Variants in POLA1 observed in about 807,000 individuals in gnomAD.
POLA1 encodes DNA polymerase alpha catalytic subunit.
Under a neutral mutation model 124.0 loss-of-function variants are expected in POLA1, and 15 were observed. That is an observed-to-expected ratio of 0.12 (90% CI 0.08 to 0.19). The LOEUF is 0.19. POLA1 is among the 10% of genes least tolerant of loss of function. The probability of loss-of-function intolerance (pLI) is 1.00; values close to 1 mark genes in which losing one functional copy is unlikely to be tolerated. For missense variants in POLA1, 886 were observed against 1,103.4 expected, an observed-to-expected ratio of 0.80 and a Z score of 2.79; for synonymous variants, 408 against 389.4, an observed-to-expected ratio of 1.05 and a Z score of -0.56.
At chrX:24,881,266 T>C (rs1569348513) in intron 34 of POLA1, among the ~76,000 whole-genome samples, 1 of 112,183 alleles carries the variant, frequency 8.9e-6, no homozygotes, top group East Asian at 2.8e-4. Flanking sequence ...CCAGGCTCTT[T>C]CCTGGTTAAA....
At chrX:24,723,307 A>T (rs1442841673) in intron 11 of POLA1, 40 bp downstream of exon 11, 1 of 848,645 alleles carries the variant, frequency 1.2e-6, no homozygotes, top group Non-Finnish European at 1.8e-6. Context: ...CAGTCGTTGT[A>T]TCTGCCACAC....
intron 30 of POLA1, among the ~76,000 whole-genome samples, chrX:24,820,286 C>T (rs979773603): frequency 6.3e-5 from 7 of 111,046 alleles, no homozygotes; most frequent in Non-Finnish European, 1.1e-4. Flanking sequence ...CAGGTAGTAT[C>T]GTTATGAAAA....
chrX:24,851,496 A>G (rs770052456), intron 34 of POLA1, among the ~76,000 whole-genome samples: 3 of 113,294 alleles, frequency 2.6e-5, no homozygotes, highest in Non-Finnish European at 5.6e-5. Flanking sequence ...ATTACAAGCT[A>G]GGCCAGGTCA....
chrX:24,748,205 T>C (rs1932130118), intron 24 of POLA1, 106 bp from the exon 25 acceptor site: 1 of 545,891 alleles, frequency 1.8e-6, no homozygotes, highest in Non-Finnish European at 3.0e-6. Context: ...TATAAGATAA[T>C]AGCTTTTCAA....
At chrX:24,829,530 A>G (rs1326700546) in intron 32 of POLA1, among the ~76,000 whole-genome samples, 1 of 111,925 alleles carries the variant, frequency 8.9e-6, no homozygotes, top group Non-Finnish European at 1.9e-5. Flanking sequence ...AATGAAGTGT[A>G]GGCCCACAAG....
chrX:24,809,804 A>G, intron 26 of POLA1, 94 bp from the exon 27 acceptor site: 4 of 513,240 alleles, frequency 7.8e-6, no homozygotes, highest in Non-Finnish European at 9.5e-6. Flanking sequence ...ATACATGGAA[A>G]TGGCAAATCA....
At chrX:24,710,664 GTT>G (rs1191270484) in intron 4 of POLA1, among the ~76,000 whole-genome samples, 17 of 86,636 alleles carry the variant, frequency 2.0e-4, no homozygotes, top group African/African-American at 6.6e-4. Context: ...ATATGTTGTG[GTT>G]TTTTTTTTTT....
chrX:24,854,108 C>T (rs868675216), intron 34 of POLA1, among the ~76,000 whole-genome samples: 3 of 111,247 alleles, frequency 2.7e-5, no homozygotes, highest in East Asian at 2.8e-4. Flanking sequence ...TGCAGTGGCG[C>T]GATCTTGGCT....
At chrX:24,903,426 A>C (rs1177227468) in intron 35 of POLA1, among the ~76,000 whole-genome samples, 3 of 112,339 alleles carry the variant, frequency 2.7e-5, no homozygotes, top group Non-Finnish European at 5.6e-5. Context: ...AAACTTATTG[A>C]ATATTGTCTA....
At chrX:24,791,221 C>G (rs897411709) in intron 26 of POLA1, among the ~76,000 whole-genome samples, 5 of 111,005 alleles carry the variant, frequency 4.5e-5, no homozygotes, top group Non-Finnish European at 3.8e-5. Context: ...GAAGCCAGAC[C>G]TGTGTCATCT....
intron 34 of POLA1, among the ~76,000 whole-genome samples, chrX:24,852,831 A>G (rs2046584041): frequency 9.0e-6 from 1 of 111,351 alleles, no homozygotes; most frequent in South Asian, 3.8e-4. Context: ...TGGCTGTTTG[A>G]GGAGCTCTTG....
chrX:24,993,889 G>A (rs1005649858), intron 36 of POLA1, among the ~76,000 whole-genome samples: 6 of 112,222 alleles, frequency 5.3e-5, no homozygotes, highest in Non-Finnish European at 9.4e-5. Flanking sequence ...ACCGAGTGAC[G>A]CTGGTTGTCA....
At chrX:24,945,569 A>C (rs1178936384) in intron 36 of POLA1, among the ~76,000 whole-genome samples, 1 of 111,998 alleles carries the variant, frequency 8.9e-6, no homozygotes, top group Non-Finnish European at 1.9e-5. Context: ...AGTCTTCCAT[A>C]CTTAATGGAA....
At chrX:24,869,805 G>T (rs760216417) in intron 34 of POLA1, among the ~76,000 whole-genome samples, 1 of 110,446 alleles carries the variant, frequency 9.1e-6, no homozygotes, top group Admixed American at 9.6e-5. Flanking sequence ...ATATTAGCAC[G>T]TTTGGACCTC....
At chrX:24,790,506 T>C (rs998614755) in intron 26 of POLA1, among the ~76,000 whole-genome samples, 1 of 111,641 alleles carries the variant, frequency 9.0e-6, no homozygotes, top group Non-Finnish European at 1.9e-5. Context: ...GCCTTTCTGA[T>C]TTTTAAATGG....
chrX:24,939,382 G>A (rs2047887541), intron 36 of POLA1, among the ~76,000 whole-genome samples: 1 of 112,332 alleles, frequency 8.9e-6, no homozygotes, highest in Non-Finnish European at 1.9e-5. Flanking sequence ...AGTTGAGCTA[G>A]TGAATTTACT....
At chrX:24,956,834 A>C (rs1169400684) in intron 36 of POLA1, among the ~76,000 whole-genome samples, 2 of 112,485 alleles carry the variant, frequency 1.8e-5, no homozygotes, top group Non-Finnish European at 3.7e-5. Context: ...TACCTGTTAC[A>C]TACCTACAAA....
At chrX:24,934,895 G>A (rs2047829535) in intron 36 of POLA1, among the ~76,000 whole-genome samples, 1 of 111,645 alleles carries the variant, frequency 9.0e-6, no homozygotes, top group African/African-American at 3.3e-5. Flanking sequence ...GCTAATTTTT[G>A]TATTTTTAGT....
intron 4 of POLA1, among the ~76,000 whole-genome samples, chrX:24,710,117 CTT>C (rs149907692): frequency 1.4e-3 from 139 of 101,092 alleles, no homozygotes; most frequent in Admixed American, 1.5e-3. Flanking sequence ...TCGCCGGCGC[CTT>C]TTTTTTTTTT....
Sources: allele counts gnomAD v4.1 joint callset (sites outside exome capture counted in the v4.1 genomes callset), GRCh38; gene constraint gnomAD v4.1.1; transcripts MANE v1.5; gene names NCBI Gene and HGNC (gene_info 2026-07-23, HGNC 2026-07-21).